TMEM8B: variants seen among roughly 807,000 people sequenced by gnomAD.
TMEM8B encodes the protein nasopharyngeal carcinoma expressed 6.
Under a neutral mutation model 49.3 loss-of-function variants are expected in TMEM8B, and 29 were observed. The observed-to-expected ratio is 0.59, with a 90% CI of 0.44 to 0.80. The LOEUF (loss-of-function observed/expected upper bound fraction) is 0.80. Ranked by LOEUF, TMEM8B falls within the 30% of genes least tolerant of loss-of-function variation. The pLI is 0.00. For synonymous variants in TMEM8B, 264 were observed against 272.8 expected (o/e 0.97, Z 0.32); for missense variants, 575 against 658.5 (o/e 0.87, Z 1.39).
chr9:35,842,850 C>A lies in TMEM8B; in HGVS notation c.1635+133C>A. On this transcript the variant is annotated intron_variant, in intron 6 of 12. Transcript: ENST00000643932. This position sits in a 1 kb window ranked among gnomAD's most constrained non-coding sequence, Gnocchi z 5.6. ...CCCACCCATCCTGACAATTAGGGAC[C>A]ATGGCTCAGCCCAATTCTGGTCAAC... 1.1e-6 allele frequency: 1 copy of A among 908,232 alleles called. No homozygotes were observed. The allele number at this position is 908,232 out of a possible 1,614,324, so 56.3% of individuals were successfully genotyped here.
At position 35,861,583 on chromosome 9, in the gene TMEM8B, G is replaced by A. The variant is rs118072291; in HGVS notation, c.*7743G>A. 2.5e-3 allele frequency: 378 copies of A among 152,842 alleles called. 8 individuals are homozygous for A. In the East Asian group the frequency reaches 0.054, roughly 22 times the overall value. 9.5% of individuals were successfully genotyped at this position (152,842 alleles called of 1,614,324 possible). On this transcript the variant is annotated 3_prime_UTR_variant, in exon 13 of 13. Coordinates refer to ENST00000643932, the MANE Select transcript of TMEM8B (RefSeq NM_001042590.4). ...CAATAGCAGGCACCCAGCAGATAGCGAATGCACGACTCCAAAACCCAGCTT... is the reference window on the plus strand; with the variant it reads ...CAATAGCAGGCACCCAGCAGATAGCAAATGCACGACTCCAAAACCCAGCTT...
In TMEM8B at chr9:35,862,623, G is replaced by A. The variant is rs1015484387; in HGVS notation, c.*8783G>A. ...TCATCAGACCACTCCCTGTCTTTTG[G>A]ACAAAGCCTGTGTGCTCCAGTCCCA... On this transcript the variant is annotated 3_prime_UTR_variant, in exon 13 of 13. Coordinates refer to ENST00000643932, the MANE Select transcript of TMEM8B (RefSeq NM_001042590.4). 4.6e-5 allele frequency: 7 copies of A among 152,248 alleles called. No homozygotes were observed. Among genetic ancestry groups the A allele is most frequent in the Non-Finnish European group, 7.3e-5 (5 of 68,122 alleles). 9.4% of individuals were successfully genotyped at this position (152,248 alleles called of 1,614,324 possible). A position where few individuals can be genotyped will look rare whatever the true frequency, so the allele number is the denominator to read the frequency against.
rs554383911 is a variant in TMEM8B, at chr9:35,842,031, T to C, written c.1309+237T>C. Among the ~76,000 whole-genome samples the C allele has an allele frequency of 5.3e-5, 8 of 152,334 alleles. No individual in the cohort carries two copies. The South Asian group carries it at 8.3e-4, about 16-fold the overall frequency. On this transcript the variant is annotated intron_variant, in intron 5 of 12. Coordinates refer to ENST00000643932, the MANE Select transcript of TMEM8B (RefSeq NM_001042590.4). The surrounding 1 kb of genome is among the most constrained non-coding windows in gnomAD (Gnocchi z 5.6). Reference sequence around the variant, plus strand: ...TAAAGGACCTCATTACTTTCTTTGATTTAATCTCTCAGTTTCCTGGGGTAG... The same window carrying C: ...TAAAGGACCTCATTACTTTCTTTGACTTAATCTCTCAGTTTCCTGGGGTAG...
chr9:35,852,917 A>T lies in TMEM8B; in HGVS notation c.2266A>T (p.Met756Leu). The T allele has an allele frequency of 6.2e-7, 1 of 1,614,160 alleles. No homozygotes were observed. Among genetic ancestry groups the T allele is most frequent in the Non-Finnish European group, 8.5e-7 (1 of 1,180,022 alleles). ...LQFCDFLGSL[M>L]SVWVTVIAMA... The stretch of plus-strand genomic sequence containing the variant: ...GTTCTGTGATTTCCTGGGCTCCTTA[A>T]TGTCCGTGTGGGTCACTGTCATTGC... Residue 756 changes from methionine (M) to leucine (L), a missense_variant, in exon 11 of 13, where the codon ATG (methionine) becomes TTG (leucine). Coordinates refer to ENST00000643932, the MANE Select transcript of TMEM8B (RefSeq NM_001042590.4).
rs78144170 is a variant in TMEM8B at position 35,852,829 on chromosome 9, C to G, written c.2178C>G (p.Phe726Leu). ...ATGCCTGTCATTTCTTCCTTCAGTT[C>G]TATCATGCCTGTGACCAGCCAGGCA... is the stretch of plus-strand genomic sequence containing the variant. ...VYTFTMFFST[F>L]YHACDQPGIV... The change falls in exon 11 of 13, where the codon TTC (phenylalanine) becomes TTG (leucine). Residue 726 changes from phenylalanine to leucine, a missense_variant and splice_region_variant. Coordinates refer to ENST00000643932, the MANE Select transcript of TMEM8B (RefSeq NM_001042590.4). The G allele has an allele frequency of 3.7e-6, 6 of 1,614,054 alleles. No individual in the cohort carries two copies. In the African/African-American group the frequency reaches 6.7e-5, roughly 18 times the overall value.
At position 35,841,349 on chromosome 9, in the gene TMEM8B, C is replaced by T. The variant is rs1034723826; in HGVS notation, c.1040+82C>T. On this transcript the variant is annotated intron_variant, in intron 4 of 12. Coordinates refer to ENST00000643932, the MANE Select transcript of TMEM8B (RefSeq NM_001042590.4). This position sits in a 1 kb window ranked among gnomAD's most constrained non-coding sequence, Gnocchi z 5.9. ...CTGCAGGGTTCTCTCTTGGCTTCTCCACCTACCTGCCTGGTCCCTGGGTGG... is the reference window on the plus strand; with the variant it reads ...CTGCAGGGTTCTCTCTTGGCTTCTCTACCTACCTGCCTGGTCCCTGGGTGG... The T allele has an allele frequency of 2.2e-5, 9 of 415,696 alleles. No homozygotes were observed. The highest frequency in any genetic ancestry group is 3.6e-5 in the East Asian group (1 of 28,098). 25.8% of individuals were successfully genotyped at this position (415,696 alleles called of 1,614,324 possible). A position where few individuals can be genotyped will look rare whatever the true frequency, so the allele number is the denominator to read the frequency against.
In TMEM8B at chr9:35,847,014, A is replaced by G. The variant is rs748722959; in HGVS notation, c.2175+19A>G. On this transcript the variant is annotated intron_variant, in intron 10 of 12. Transcript: ENST00000643932. ...CTCCACGGTATGCGGTGGTGTCTGC[A>G]TCTTATCACTGGGTGCTTGTGCATG... 6.2e-7 allele frequency: 1 copy of G among 1,614,082 alleles called. No individual in the cohort carries two copies. Among genetic ancestry groups the G allele is most frequent in the Non-Finnish European group, 8.5e-7 (1 of 1,180,038 alleles).
At position 35,846,798 on chromosome 9, in the gene TMEM8B, G is replaced by T. The variant is rs779580964; in HGVS notation, c.1997-19G>T. On this transcript the variant is annotated intron_variant, in intron 9 of 12. Coordinates refer to ENST00000643932, the MANE Select transcript of TMEM8B (RefSeq NM_001042590.4). ...GCTGCCGTCTGTTCTCTTCCATTCT[G>T]TGCCTTCCCCACCCGCAGGGTGGAG... 6.2e-7 allele frequency: 1 copy of T among 1,606,052 alleles called. No homozygotes were observed. The highest frequency in any genetic ancestry group is 1.7e-5 in the Admixed American group (1 of 59,624).
intron 3 of TMEM8B, among the ~76,000 whole-genome samples, chr9:35,837,276 G>T (rs539268223): frequency 6.6e-6 from 1 of 152,050 alleles, no homozygotes; most frequent in Non-Finnish European, 1.5e-5. Context: ...CCAGGCCTTG[G>T]GTTGTGTGCT....
rs1315319713 is a variant in TMEM8B, at chr9:35,857,845, A to AG, written c.*4009dup. 2 of 152,202 alleles carry AG rather than the reference A, an allele frequency of 1.3e-5. No homozygotes were observed. Among genetic ancestry groups the AG allele is most frequent in the Non-Finnish European group, 2.9e-5 (2 of 68,042 alleles). 9.4% of individuals were successfully genotyped at this position (152,202 alleles called of 1,614,324 possible). ...AGGAAAGAAGGCTGAGTGTGAAGTG[A>AG]GGGGCAGTAAGGGCACACTAGAATC... On this transcript the variant is annotated 3_prime_UTR_variant, in exon 13 of 13. Coordinates refer to ENST00000643932, the MANE Select transcript of TMEM8B (RefSeq NM_001042590.4).
chr9:35,857,739 T>C lies in TMEM8B; in HGVS notation c.*3899T>C, dbSNP rs1288791673. On this transcript the variant is annotated 3_prime_UTR_variant, in exon 13 of 13. Coordinates refer to ENST00000643932, the MANE Select transcript of TMEM8B (RefSeq NM_001042590.4). ...TAGACCTTTACAGTCATGGGAGCAG[T>C]TGGAGAAATCTGTGCAAAACTGTTA... 1.3e-5 allele frequency: 2 copies of C among 152,156 alleles called. No individual in the cohort carries two copies. The highest frequency in any genetic ancestry group is 1.9e-4 in the East Asian group (1 of 5,206). 9.4% of individuals were successfully genotyped at this position (152,156 alleles called of 1,614,324 possible). A position where few individuals can be genotyped will look rare whatever the true frequency, so the allele number is the denominator to read the frequency against.
rs1332148700 is a variant in TMEM8B at position 35,852,908 on chromosome 9, G to A, written c.2257G>A (p.Gly753Ser). 6.2e-7 allele frequency: 1 copy of A among 1,614,042 alleles called. No homozygotes were observed. The highest frequency in any genetic ancestry group is 1.7e-5 in the Admixed American group (1 of 60,008). Residue 753 changes from glycine (G) to serine (S), a missense_variant, in exon 11 of 13, where the codon GGC becomes AGC. Transcript: ENST00000643932. ...YDVLQFCDFL[G>S]SLMSVWVTVI... ...TGTGCTGCAGTTCTGTGATTTCCTG[G>A]GCTCCTTAATGTCCGTGTGGGTCAC... is the stretch of plus-strand genomic sequence containing the variant.
chr9:35,853,966 C>A lies in TMEM8B; in HGVS notation c.*126C>A. On this transcript the variant is annotated 3_prime_UTR_variant, in exon 13 of 13. Transcript: ENST00000643932. This position sits in a 1 kb window ranked among gnomAD's most constrained non-coding sequence, Gnocchi z 4.2. ...GGACATGGAGTCTTTCTCAAGGACA[C>A]AAAACTCTTCCAGGGACCTGGAGCC... 7.2e-7 allele frequency: 1 copy of A among 1,382,108 alleles called. No individual in the cohort carries two copies. 85.6% of individuals were successfully genotyped at this position (1,382,108 alleles called of 1,614,324 possible). A position where few individuals can be genotyped will look rare whatever the true frequency, so the allele number is the denominator to read the frequency against.
chr9:35,845,761 A>T, intron 6 of TMEM8B: 1 of 985,442 alleles, frequency 1.0e-6, no homozygotes, highest in Non-Finnish European at 1.2e-6. Context: ...TTGCCGTCTC[A>T]TCAGTCCTTG....
intron 10 of TMEM8B, among the ~76,000 whole-genome samples, chr9:35,848,968 G>A (rs182905281): frequency 2.3e-3 from 353 of 152,182 alleles, no homozygotes; most frequent in Admixed American, 4.1e-3. Context: ...CCACTGCGCC[G>A]GGCCAAAATC....
rs530987480 is a variant in TMEM8B, at chr9:35,841,677, G to A, written c.1192G>A (p.Gly398Arg). Residue 398 changes from glycine (G) to arginine (R), a missense_variant, in exon 5 of 13, where the codon GGA (glycine) becomes AGA (arginine). Physicochemically the swap from Gly to Arg is moderately radical, Grantham distance 125. Coordinates refer to ENST00000643932, the MANE Select transcript of TMEM8B (RefSeq NM_001042590.4). The surrounding 1 kb of genome is among the most constrained non-coding windows in gnomAD (Gnocchi z 5.9). The stretch of plus-strand genomic sequence containing the variant: ...CTCTGTGGCCTGTGGAGGTGCCTCA[G>A]GATGCCAGCTGGAGCTGGCACTGCC... The part of the protein sequence containing the change: ...SSSVACGGAS[G>R]CQLELALPPW... The A allele has an allele frequency of 8.7e-5, 36 of 415,964 alleles. No homozygotes were observed. In the East Asian group the frequency reaches 1.3e-3, roughly 15 times the overall value. The allele number at this position is 415,964 out of a possible 1,614,324, so 25.8% of individuals were successfully genotyped here.
intron 1 of TMEM8B, among the ~76,000 whole-genome samples, chr9:35,831,417 T>C (rs940988697): frequency 6.6e-6 from 1 of 152,128 alleles, no homozygotes; most frequent in African/African-American, 2.4e-5. Context: ...GTTCCAAGGG[T>C]GAGGGCAGTG....
chr9:35,851,198 C>A (rs1832097876), intron 10 of TMEM8B, among the ~76,000 whole-genome samples: 1 of 152,146 alleles, frequency 6.6e-6, no homozygotes, highest in Non-Finnish European at 1.5e-5. Flanking sequence ...GCAGTCTTGA[C>A]CTGGGCTCAA....
rs143221834 is a variant in TMEM8B, at chr9:35,853,111, C to T, written c.2323-30C>T. On this transcript the variant is annotated intron_variant, in intron 11 of 12. Transcript: ENST00000643932. This position sits in a 1 kb window ranked among gnomAD's most constrained non-coding sequence, Gnocchi z 4.2. ...CTGGAGTGCTGTCTGTCACCTGGCC[C>T]TAGCCCAGCCCTTGAGTCTCTTTCT... The T allele has an allele frequency of 1.1e-4, 181 of 1,611,166 alleles. 1 individual carries two copies. In the African/African-American group the frequency reaches 1.8e-3, roughly 16 times the overall value.
Sources: gnomAD v4.1 joint callset for allele counts (sites outside exome capture counted in the v4.1 genomes callset) on GRCh38, gnomAD v4.1.1 for gene constraint, Gnocchi (gnomAD v3.1) non-coding constraint, MANE v1.5 for transcripts, NCBI Gene and HGNC (gene_info 2026-07-23, HGNC 2026-07-21) for gene names.